CLSTN2: variants seen among roughly 807,000 people sequenced by gnomAD.
CLSTN2 encodes the protein calsyntenin-2.
In CLSTN2, 48 loss-of-function variants were observed where a neutral mutation model predicts 101.2. The observed-to-expected ratio is 0.47, with a 90% CI of 0.38 to 0.60. The LOEUF (loss-of-function observed/expected upper bound fraction) is 0.60. Ranked by LOEUF, CLSTN2 falls within the 20% of genes least tolerant of loss-of-function variation. The probability of loss-of-function intolerance (pLI) is 0.00; values close to 1 mark genes in which losing one functional copy is unlikely to be tolerated. For synonymous variants in CLSTN2, 481 were observed against 463.6 expected (o/e 1.04, Z -0.48); for missense variants, 1,160 against 1,238.2 (o/e 0.94, Z 0.95).
chr3:140,353,382 C>G (rs981898908), intron 2 of CLSTN2, among the ~76,000 whole-genome samples: 1 of 152,042 alleles, frequency 6.6e-6, no homozygotes, highest in Non-Finnish European at 1.5e-5. Flanking sequence ...TCCGATGTTC[C>G]AGGGCGTGAA....
At chr3:140,036,715 A>G (rs1167397766) in intron 1 of CLSTN2, among the ~76,000 whole-genome samples, 1 of 151,944 alleles carries the variant, frequency 6.6e-6, no homozygotes, top group Non-Finnish European at 1.5e-5. Context: ...ATCAGTGGGC[A>G]TGCTAGATCT....
intron 1 of CLSTN2, among the ~76,000 whole-genome samples, chr3:140,053,854 T>G (rs1328886857): frequency 6.6e-6 from 1 of 152,182 alleles, no homozygotes; most frequent in Admixed American, 6.6e-5. Context: ...GTGAAGTGAT[T>G]GGCACATAGT....
chr3:140,102,265 G>A (rs1311244806), intron 1 of CLSTN2, among the ~76,000 whole-genome samples: 1 of 152,190 alleles, frequency 6.6e-6, no homozygotes. Context: ...GTTGTAGATG[G>A]AGTTGACATC....
intron 1 of CLSTN2, among the ~76,000 whole-genome samples, chr3:140,003,862 A>G (rs1576393821): frequency 6.6e-6 from 1 of 152,276 alleles, no homozygotes; most frequent in East Asian, 1.9e-4. Context: ...GTTAATGACA[A>G]TTACTTTAAA....
intron 8 of CLSTN2, among the ~76,000 whole-genome samples, chr3:140,488,499 G>C (rs1256897621): frequency 2.0e-5 from 3 of 152,036 alleles, no homozygotes; most frequent in Admixed American, 6.6e-5. Flanking sequence ...AGTGACAGCA[G>C]AACACTTGAC....
At chr3:140,387,270 G>C (rs2088063893) in intron 2 of CLSTN2, among the ~76,000 whole-genome samples, 1 of 152,192 alleles carries the variant, frequency 6.6e-6, no homozygotes, top group Admixed American at 6.5e-5. Flanking sequence ...TCTTAGAAGA[G>C]ATTGTGTTTA....
At chr3:140,467,134 G>T (rs1933727411) in intron 8 of CLSTN2, among the ~76,000 whole-genome samples, 1 of 152,174 alleles carries the variant, frequency 6.6e-6, no homozygotes, top group Non-Finnish European at 1.5e-5. Context: ...CAAGGTTGAG[G>T]ACAGGGACTT....
chr3:139,991,004 A>G (rs1365153), intron 1 of CLSTN2, among the ~76,000 whole-genome samples: 31,253 of 152,250 alleles, frequency 0.21, 3,545 homozygotes, highest in Admixed American at 0.34. Flanking sequence ...AAGTGAGTCT[A>G]TTTAAAGAAA....
intron 1 of CLSTN2, among the ~76,000 whole-genome samples, chr3:140,070,170 A>G (rs1478035337): frequency 2.0e-5 from 3 of 152,234 alleles, no homozygotes; most frequent in African/African-American, 7.2e-5. Context: ...CATTTAGATA[A>G]CAGCATCCTT....
chr3:140,434,584 G>C (rs2108000020), intron 5 of CLSTN2, among the ~76,000 whole-genome samples: 1 of 152,332 alleles, frequency 6.6e-6, no homozygotes, highest in South Asian at 2.1e-4. Flanking sequence ...CCCCAAGAAG[G>C]TGGCACCTCG....
Position 140,010,474 on chromosome 3 carries a change from G to A in CLSTN2, c.109+74991G>A, listed in dbSNP as rs116222993. Among the ~76,000 whole-genome samples the A allele has an allele frequency of 1.4e-3, 216 of 152,278 alleles. 1 individual carries two copies. The highest frequency in any genetic ancestry group is 4.9e-3 in the African/African-American group (204 of 41,566). On this transcript the variant is annotated intron_variant, in intron 1 of 16. Coordinates refer to ENST00000458420, the MANE Select transcript of CLSTN2 (RefSeq NM_022131.3). ...GGCAGGCGCTCCTCTCTGATCAGAG[G>A]AATGGCCCATATTTACATCTTGCTC...
intron 1 of CLSTN2, among the ~76,000 whole-genome samples, chr3:139,942,601 ACCAGACTGTTGAT>A (rs1576371356): frequency 6.6e-6 from 1 of 152,288 alleles, no homozygotes; most frequent in East Asian, 1.9e-4. Context: ...ATAGCAGATA[ACCAGACTGTTGAT>A]CGGGCTGCCT....
chr3:140,479,558 C>T (rs192817932), intron 8 of CLSTN2, among the ~76,000 whole-genome samples: 110 of 152,244 alleles, frequency 7.2e-4, no homozygotes, highest in Non-Finnish European at 1.0e-4. Flanking sequence ...AAGAAAATAA[C>T]TTTAAAACAG....
intron 8 of CLSTN2, among the ~76,000 whole-genome samples, chr3:140,530,397 G>T (rs1474659764): frequency 6.6e-6 from 1 of 152,180 alleles, no homozygotes; most frequent in African/African-American, 2.4e-5. Flanking sequence ...ATTATAGTTT[G>T]AGAATCACTG....
intron 8 of CLSTN2, among the ~76,000 whole-genome samples, chr3:140,468,864 TGCTC>T (rs1273576071): frequency 1.3e-5 from 2 of 152,266 alleles, no homozygotes; most frequent in African/African-American, 4.8e-5. Flanking sequence ...TTCTTCATTT[TGCTC>T]AAGCTGTCCT....
intron 2 of CLSTN2, among the ~76,000 whole-genome samples, chr3:140,257,558 A>G (rs6439911): frequency 0.052 from 2,885 of 55,878 alleles, 32 homozygotes; most frequent in African/African-American, 0.16. Flanking sequence ...ATTTCTTTCT[A>G]GGGGTGTGTG....
At chr3:140,153,613 T>G (rs561857784) in intron 1 of CLSTN2, among the ~76,000 whole-genome samples, 2 of 152,370 alleles carry the variant, frequency 1.3e-5, no homozygotes, top group South Asian at 4.1e-4. Flanking sequence ...GGGGCCGTTC[T>G]CAAATTGTTA....
chr3:140,551,758 T>C (rs1287057480), intron 10 of CLSTN2, among the ~76,000 whole-genome samples: 1 of 151,104 alleles, frequency 6.6e-6, no homozygotes, highest in Non-Finnish European at 1.5e-5. Context: ...ATTATTTACC[T>C]TGTAGTGATG....
intron 1 of CLSTN2, among the ~76,000 whole-genome samples, chr3:140,076,640 T>G (rs1360981615): frequency 2.1e-5 from 3 of 143,188 alleles, no homozygotes; most frequent in Non-Finnish European, 3.0e-5. Flanking sequence ...TTTTTTTTTT[T>G]TTTTTTTTTT....
Sources: gnomAD v4.1 joint callset for allele counts (sites outside exome capture counted in the v4.1 genomes callset) on GRCh38, gnomAD v4.1.1 for gene constraint, MANE v1.5 for transcripts, NCBI Gene and HGNC (gene_info 2026-07-23, HGNC 2026-07-21) for gene names.